COL17A1: variants seen among roughly 807,000 people sequenced by gnomAD.
COL17A1 encodes collagen type XVII alpha 1 chain.
COL17A1 carries 181 observed loss-of-function variants against 218.4 expected under a neutral mutation model. That is an observed-to-expected ratio of 0.83 (90% CI 0.73 to 0.94). COL17A1 has a LOEUF of 0.94. Among genes scored for constraint, COL17A1 ranks in the 40% least tolerant of loss-of-function variants. The pLI, the probability that COL17A1 is intolerant of heterozygous loss-of-function variation, is 0.00. For synonymous variants in COL17A1, 721 were observed against 731.0 expected (o/e 0.99, Z 0.22); for missense variants, 1,924 against 1,945.9 (o/e 0.99, Z 0.21).
At position 104,035,503 on chromosome 10, in the gene COL17A1, G is replaced by A. The variant is rs907456601; in HGVS notation, c.3479C>T (p.Ser1160Phe). 1 of 1,613,880 alleles carries A rather than the reference G, an allele frequency of 6.2e-7. No homozygotes were observed. The highest frequency in any genetic ancestry group is 8.5e-7 in the Non-Finnish European group (1 of 1,179,922). The change falls in exon 49 of 56, where the codon TCC becomes TTC. Residue 1160 changes from serine to phenylalanine, a missense_variant. Ser to Phe is a radical substitution (Grantham distance 155). Transcript: ENST00000648076. ...CAGCAAGGAGAGGAGCTCCTCATAG[G>A]AGGTTCCCGGCAAGCCAGGGGGCCC... ...PPGPPGLPGTSYEELLSLLRG... is the reference protein window; with the variant it reads ...PPGPPGLPGTFYEELLSLLRG...
In COL17A1 at chr10:104,058,158, T is replaced by C. The variant is rs2086549293; in HGVS notation, c.1255A>G (p.Thr419Ala). ...DLKTVSTKGK[T>A]TTADIHSYGS... ...GGTTCTCACCCACCTGCAGTGGTGGTCTTGCCCTTTGTGGACACAGTCTTC... is the reference window on the plus strand; with the variant it reads ...GGTTCTCACCCACCTGCAGTGGTGGCCTTGCCCTTTGTGGACACAGTCTTC... The change falls in exon 16 of 56, where the codon ACC becomes GCC. Residue 419 changes from threonine (T) to alanine (A), a missense_variant. By Grantham distance (58) the Thr-to-Ala change is moderately conservative. Transcript: ENST00000648076. 1 of 1,614,094 alleles carries C rather than the reference T, an allele frequency of 6.2e-7. No homozygotes were observed. The highest frequency in any genetic ancestry group is 2.2e-5 in the East Asian group (1 of 44,886).
In COL17A1 at chr10:104,078,668, A is replaced by G. The variant is rs186909187; in HGVS notation, c.53-82T>C. ...CTTGGCAAGGTCTAAGCTCTGTCACAGGCTAAGCATATTAAATTAGGTTCG... is the reference window on the plus strand; with the variant it reads ...CTTGGCAAGGTCTAAGCTCTGTCACGGGCTAAGCATATTAAATTAGGTTCG... On this transcript the variant is annotated intron_variant, in intron 2 of 55. Coordinates refer to ENST00000648076, the MANE Select transcript of COL17A1 (RefSeq NM_000494.4). The G allele has an allele frequency of 2.8e-5, 44 of 1,573,466 alleles. No homozygotes were observed. The Admixed American group carries it at 7.5e-4, about 27-fold the overall frequency.
chr10:104,059,637 C>T lies in COL17A1; in HGVS notation c.1222+1G>A. 6.2e-7 allele frequency: 1 copy of T among 1,613,788 alleles called. No individual in the cohort carries two copies. Among genetic ancestry groups the T allele is most frequent in the Non-Finnish European group, 8.5e-7 (1 of 1,179,644 alleles). ...TGGACAACAATCATATTTGTTCTTA[C>T]CATTAGCTTCGGCTTTTAGGCCTGA... is the stretch of plus-strand genomic sequence containing the variant. On this transcript the variant is annotated splice_donor_variant, in intron 15 of 55. Coordinates refer to ENST00000648076, the MANE Select transcript of COL17A1 (RefSeq NM_000494.4). LOFTEE classifies it high-confidence loss of function.
At chr10:104,041,910 C>A (rs1405987796) in intron 36 of COL17A1, among the ~76,000 whole-genome samples, 1 of 151,986 alleles carries the variant, frequency 6.6e-6, no homozygotes, top group Non-Finnish European at 1.5e-5. Context: ...AAACCAAGGT[C>A]AAAAAGATCT....
intron 9 of COL17A1, among the ~76,000 whole-genome samples, chr10:104,067,334 TAAA>T (rs58260510): frequency 1.3e-3 from 148 of 110,432 alleles, no homozygotes; most frequent in South Asian, 3.1e-3. Context: ...GGCTCAGGAA[TAAA>T]AAAAAAAAAA....
At chr10:104,042,294 G>A (rs978095004) in intron 36 of COL17A1, 126 bp downstream of exon 36, 1 of 982,234 alleles carries the variant, frequency 1.0e-6, no homozygotes, top group African/African-American at 1.6e-5. Context: ...AAGAGCCCTG[G>A]CCCTGTCCTC....
intron 46 of COL17A1, 80 bp from the exon 47 acceptor site, chr10:104,037,193 C>A: frequency 7.6e-7 from 1 of 1,314,648 alleles, no homozygotes; most frequent in Non-Finnish European, 1.1e-6. Flanking sequence ...CTGAAAGGCC[C>A]GGTCACCGAG....
chr10:104,054,454 C>T (rs2086499899), intron 20 of COL17A1, among the ~76,000 whole-genome samples: 1 of 151,942 alleles, frequency 6.6e-6, no homozygotes, highest in Non-Finnish European at 1.5e-5. Context: ...GGGCTGGAGA[C>T]TTGGGGAAGG....
chr10:104,054,981 C>T lies in COL17A1; in HGVS notation c.1744G>A (p.Gly582Arg). 1 of 1,614,110 alleles carries T rather than the reference C, an allele frequency of 6.2e-7. No individual in the cohort carries two copies. The highest frequency in any genetic ancestry group is 8.5e-7 in the Non-Finnish European group (1 of 1,180,022). Reference sequence around the variant, plus strand: ...GTAAAAATGCCCATGTTATAATTACCTTTAGGGCCTGGACTTCCCATGTCA... The same window carrying T: ...GTAAAAATGCCCATGTTATAATTACTTTTAGGGCCTGGACTTCCCATGTCA... ...KGDMGSPGPKGDRGFPGTPGI... is the reference protein window; with the variant it reads ...KGDMGSPGPKRDRGFPGTPGI... The change falls in exon 20 of 56, where the codon GGA (glycine) becomes AGA (arginine). Residue 582 changes from glycine to arginine, a missense_variant and splice_region_variant. Coordinates refer to ENST00000648076, the MANE Select transcript of COL17A1 (RefSeq NM_000494.4).
rs199603293 is a variant in COL17A1 at position 104,035,235 on chromosome 10, C to T, written c.3619+28G>A. On this transcript the variant is annotated intron_variant, in intron 50 of 55. Transcript: ENST00000648076. The stretch of plus-strand genomic sequence containing the variant: ...CCAAGGCCCGGCTGCATCCCCTGCC[C>T]TCCCCATCCCACTCCACAGTGCCCT... The T allele has an allele frequency of 2.2e-5, 35 of 1,589,716 alleles. No homozygotes were observed. In the Admixed American group the frequency reaches 4.8e-4, roughly 22 times the overall value.
chr10:104,046,370 C>T (rs1018970439), intron 32 of COL17A1, among the ~76,000 whole-genome samples: 5 of 152,316 alleles, frequency 3.3e-5, no homozygotes, highest in African/African-American at 1.2e-4. Context: ...TGGGCTTTCC[C>T]GAACAAGGAT....
intron 54 of COL17A1, 31 bp downstream of exon 54, chr10:104,032,875 A>G (rs755660877): frequency 6.2e-7 from 1 of 1,614,018 alleles, no homozygotes; most frequent in Admixed American, 1.7e-5. Context: ...TTAACACAGG[A>G]TCCAGGGACT....
intron 44 of COL17A1, 67 bp downstream of exon 44, chr10:104,039,004 C>G: frequency 6.8e-7 from 1 of 1,480,648 alleles, no homozygotes; most frequent in South Asian, 1.1e-5. Context: ...AGAGCAACAT[C>G]CTCACTGGAA....
chr10:104,034,671 G>A lies in COL17A1; in HGVS notation c.3716C>T (p.Ala1239Val). 1 of 1,610,338 alleles carries A rather than the reference G, an allele frequency of 6.2e-7. No individual in the cohort carries two copies. The highest frequency in any genetic ancestry group is 8.5e-7 in the Non-Finnish European group (1 of 1,178,638). ...PGVSGALATY[A>V]AENSDSFRSE... The stretch of plus-strand genomic sequence containing the variant: ...CCGGAAGCTGTCGCTGTTTTCAGCT[G>A]CATAGGTTGCCAGGGCTCCTGAGAC... Residue 1239 changes from alanine to valine, a missense_variant, in exon 51 of 56, where the codon GCA becomes GTA. Coordinates refer to ENST00000648076, the MANE Select transcript of COL17A1 (RefSeq NM_000494.4).
At chr10:104,062,174 A>T in intron 12 of COL17A1, 84 bp downstream of exon 12, 1 of 1,603,566 alleles carries the variant, frequency 6.2e-7, no homozygotes, top group Admixed American at 1.7e-5. Context: ...TTTCAGGGAC[A>T]TTTTGGGTCT....
intron 19 of COL17A1, 56 bp from the exon 20 acceptor site, chr10:104,055,063 C>T (rs2086506989): frequency 3.7e-6 from 6 of 1,612,056 alleles, no homozygotes; most frequent in Non-Finnish European, 5.1e-6. Flanking sequence ...AAAGGCCATA[C>T]TCTGCCTTGT....
rs1413496038 is a variant in COL17A1, at chr10:104,039,712, C to T, written c.2789-72G>A. On this transcript the variant is annotated intron_variant, in intron 41 of 55. Transcript: ENST00000648076. ...CCACTAACAGCCCTGTAGAGCCTCC[C>T]CAAGATCCATGATTGCTGGGGCTGC... The T allele has an allele frequency of 6.8e-6, 11 of 1,607,214 alleles. No individual in the cohort carries two copies. The East Asian group carries it at 2.0e-4, about 29-fold the overall frequency.
At position 104,057,017 on chromosome 10, in the gene COL17A1, A is replaced by G. The variant is rs1457865803; in HGVS notation, c.1423T>C (p.Trp475Arg). The change falls in exon 17 of 56, where the codon TGG (tryptophan) becomes CGG (arginine). Residue 475 changes from tryptophan (W) to arginine (R), a missense_variant. By Grantham distance (101) the Trp-to-Arg change is moderately radical. Transcript: ENST00000648076. ...WKWLLGLLLTWLLLLGLLFGL... is the reference protein window; with the variant it reads ...WKWLLGLLLTRLLLLGLLFGL... ...AAGAGCAGCCCCAGGAGTAGCAGCC[A>G]GGTGAGCAGCAGGCCCAGCAGCCAC... is the stretch of plus-strand genomic sequence containing the variant. The G allele has an allele frequency of 1.3e-6, 2 of 1,594,768 alleles. No individual in the cohort carries two copies. Among genetic ancestry groups the G allele is most frequent in the Non-Finnish European group, 1.7e-6 (2 of 1,171,014 alleles).
chr10:104,077,758 G>A (rs2086724635), intron 3 of COL17A1, among the ~76,000 whole-genome samples: 1 of 152,008 alleles, frequency 6.6e-6, no homozygotes, highest in African/African-American at 2.4e-5. Context: ...TCTAGAGTGA[G>A]TATTCCACCT....
Sources: gnomAD v4.1 joint callset for allele counts (sites outside exome capture counted in the v4.1 genomes callset) on GRCh38, gnomAD v4.1.1 for gene constraint, MANE v1.5 for transcripts, NCBI Gene and HGNC (gene_info 2026-07-23, HGNC 2026-07-21) for gene names.